DNAJC5: variants seen among roughly 807,000 people sequenced by gnomAD.
The protein encoded by DNAJC5 is dnaJ homolog subfamily C member 5.
A neutral mutation model predicts 23.2 loss-of-function variants in DNAJC5; 1 was observed. The ratio of observed to expected loss-of-function variants is 0.04; its 90% CI spans 0.02 to 0.20. The LOEUF (loss-of-function observed/expected upper bound fraction) is 0.20, where lower values mean the gene tolerates loss of function less well. Among genes scored for constraint, DNAJC5 ranks in the 10% least tolerant of loss-of-function variants. The pLI, the probability that DNAJC5 is intolerant of heterozygous loss-of-function variation, is 1.00. For synonymous variants in DNAJC5, 136 were observed against 120.0 expected, an observed-to-expected ratio of 1.13 and a Z score of -0.87; for missense variants, 180 against 267.0, an observed-to-expected ratio of 0.67 and a Z score of 2.27.
In DNAJC5 at chr20:63,928,494, A is replaced by AAGATGTGGATTTAC. The variant is rs2053634331; in HGVS notation, c.107+42_107+43insAGATGTGGATTTAC. Reference sequence around the variant, plus strand: ...GGCCCCCACATCCCCCCAGGAAGACACACATGCCCCGTGTGGTTTAGTCTG... The same window carrying AAGATGTGGATTTAC: ...GGCCCCCACATCCCCCCAGGAAGACAAGATGTGGATTTACCACATGCCCCGTGTGGTTTAGTCTG... On this transcript the variant is annotated intron_variant, in intron 2 of 4. Coordinates refer to ENST00000360864, the MANE Select transcript of DNAJC5 (RefSeq NM_025219.3). The surrounding 1 kb of genome is among the most constrained non-coding windows in gnomAD (Gnocchi z 4.6). 1 of 1,519,556 alleles carries AAGATGTGGATTTAC rather than the reference A, an allele frequency of 6.6e-7. No individual in the cohort carries two copies. The highest frequency in any genetic ancestry group is 9.1e-7 in the Non-Finnish European group (1 of 1,094,446). 94.1% of individuals were successfully genotyped at this position (1,519,556 alleles called of 1,614,324 possible). A position where few individuals can be genotyped will look rare whatever the true frequency, so the allele number is the denominator to read the frequency against.
intron 1 of DNAJC5, among the ~76,000 whole-genome samples, chr20:63,927,789 G>A (rs1257381312): frequency 6.6e-6 from 1 of 152,154 alleles, no homozygotes; most frequent in East Asian, 1.9e-4. Flanking sequence ...GATATGTTTG[G>A]ATTTAGATCT....
intron 1 of DNAJC5, among the ~76,000 whole-genome samples, chr20:63,905,466 G>A (rs1263465878): frequency 6.6e-6 from 1 of 151,946 alleles, no homozygotes; most frequent in Admixed American, 6.6e-5. Context: ...GCCCAGGCTG[G>A]TTTACAGTGG....
In DNAJC5 at chr20:63,897,209, A is replaced by G. The variant is rs140010409; in HGVS notation, c.-12+1886A>G. ...CAGGAGTTCGAGACTAGCCTGGCCA[A>G]CATGGTGAAACCCCATCTCTACTAA... On this transcript the variant is annotated intron_variant, in intron 1 of 4. Transcript: ENST00000360864. Among the ~76,000 whole-genome samples the G allele has an allele frequency of 6.8e-4, 103 of 152,276 alleles. 1 individual carries two copies. The East Asian group carries it at 0.017, about 26-fold the overall frequency.
intron 1 of DNAJC5, among the ~76,000 whole-genome samples, chr20:63,924,089 A>G (rs2053592197): frequency 6.6e-6 from 1 of 152,144 alleles, no homozygotes; most frequent in Non-Finnish European, 1.5e-5. Context: ...GTAGATATAT[A>G]GTATATGTCT....
chr20:63,925,539 C>T (rs1374532309), intron 1 of DNAJC5, among the ~76,000 whole-genome samples: 1 of 151,642 alleles, frequency 6.6e-6, no homozygotes, highest in Non-Finnish European at 1.5e-5. Flanking sequence ...GGATGGGGAT[C>T]AATCAGAGGA....
intron 1 of DNAJC5, among the ~76,000 whole-genome samples, chr20:63,923,111 A>G (rs746246842): frequency 6.6e-6 from 1 of 152,122 alleles, no homozygotes; most frequent in South Asian, 2.1e-4. Flanking sequence ...ACTGCACTCC[A>G]GCCTGGGCAA....
chr20:63,903,015 C>G (rs932599884), intron 1 of DNAJC5, among the ~76,000 whole-genome samples: 2 of 150,828 alleles, frequency 1.3e-5, no homozygotes, highest in African/African-American at 4.9e-5. Context: ...CACTCTGTCT[C>G]TCACCCAAGT....
chr20:63,923,615 C>T (rs2053588850), intron 1 of DNAJC5, among the ~76,000 whole-genome samples: 1 of 151,966 alleles, frequency 6.6e-6, no homozygotes, highest in African/African-American at 2.4e-5. Flanking sequence ...GTCCCAGCTA[C>T]TCAGGAGGCT....
chr20:63,915,563 C>G (rs1251972535), intron 1 of DNAJC5, among the ~76,000 whole-genome samples: 1 of 152,150 alleles, frequency 6.6e-6, no homozygotes, highest in African/African-American at 2.4e-5. Flanking sequence ...GCACCACAGA[C>G]AGAACGGCCT....
intron 1 of DNAJC5, among the ~76,000 whole-genome samples, chr20:63,905,933 C>T (rs1244323261): frequency 6.6e-6 from 1 of 151,892 alleles, no homozygotes; most frequent in Non-Finnish European, 1.5e-5. Context: ...CGGGGTTTCA[C>T]CATGTTGGCC....
At chr20:63,914,837 A>G (rs1209528171) in intron 1 of DNAJC5, among the ~76,000 whole-genome samples, 1 of 151,886 alleles carries the variant, frequency 6.6e-6, no homozygotes, top group Non-Finnish European at 1.5e-5. Flanking sequence ...GCTGGTCTCA[A>G]ACTCCTGACC....
chr20:63,901,530 G>A (rs1410267776), intron 1 of DNAJC5, among the ~76,000 whole-genome samples: 2 of 152,240 alleles, frequency 1.3e-5, no homozygotes, highest in Non-Finnish European at 2.9e-5. Context: ...AGGTGCCAGA[G>A]GCTGCGTCCG....
Position 63,935,678 on chromosome 20 carries a change from C to A in DNAJC5, c.*4110C>A, listed in dbSNP as rs1276762018. The A allele has an allele frequency of 3.9e-5, 6 of 152,274 alleles. No homozygotes were observed. In the South Asian group the frequency reaches 1.2e-3, roughly 31 times the overall value. 9.4% of individuals were successfully genotyped at this position (152,274 alleles called of 1,614,324 possible). On this transcript the variant is annotated 3_prime_UTR_variant, in exon 5 of 5. Transcript: ENST00000360864. ...CACACAGCACCACCTCCAGAAGGGG[C>A]TGGGCCCGGGGTCCTGCAGGCGGCA...
intron 1 of DNAJC5, among the ~76,000 whole-genome samples, chr20:63,925,441 C>G (rs181712035): frequency 6.6e-6 from 1 of 152,276 alleles, no homozygotes; most frequent in Non-Finnish European, 1.5e-5. Flanking sequence ...TGAGGTCACA[C>G]CACTGCACTC....
chr20:63,925,825 G>GTTT (rs376376541), intron 1 of DNAJC5, among the ~76,000 whole-genome samples: 16 of 123,970 alleles, frequency 1.3e-4, no homozygotes, highest in South Asian at 2.4e-4. Context: ...ATTTTATCTG[G>GTTT]TTTTTTTTTT....
In DNAJC5 at chr20:63,928,505, G is replaced by A. The variant is rs747912965; in HGVS notation, c.107+53G>A. The A allele has an allele frequency of 6.0e-5, 87 of 1,453,494 alleles. No individual in the cohort carries two copies. The highest frequency in any genetic ancestry group is 2.9e-4 in the Admixed American group (17 of 59,054). 90.0% of individuals were successfully genotyped at this position (1,453,494 alleles called of 1,614,324 possible). A position where few individuals can be genotyped will look rare whatever the true frequency, so the allele number is the denominator to read the frequency against. ...CCCCCCAGGAAGACACACATGCCCC[G>A]TGTGGTTTAGTCTGCATTTTACCAA... On this transcript the variant is annotated intron_variant, in intron 2 of 4. Coordinates refer to ENST00000360864, the MANE Select transcript of DNAJC5 (RefSeq NM_025219.3). This position sits in a 1 kb window ranked among gnomAD's most constrained non-coding sequence, Gnocchi z 4.6.
intron 1 of DNAJC5, among the ~76,000 whole-genome samples, chr20:63,910,998 C>T (rs1457815934): frequency 6.6e-6 from 1 of 152,160 alleles, no homozygotes; most frequent in Non-Finnish European, 1.5e-5. Flanking sequence ...AAATGTATAT[C>T]TGGAGTTATT....
chr20:63,902,898 C>CG (rs1253739700), intron 1 of DNAJC5, among the ~76,000 whole-genome samples: 1 of 148,372 alleles, frequency 6.7e-6, no homozygotes, highest in Non-Finnish European at 1.5e-5. Context: ...AGGATGGTCT[C>CG]GATCTCCTGA....
chr20:63,921,034 G>A (rs929780944), intron 1 of DNAJC5, among the ~76,000 whole-genome samples: 2 of 151,822 alleles, frequency 1.3e-5, no homozygotes, highest in South Asian at 2.1e-4. Flanking sequence ...GTCTCAGCTC[G>A]CTGCAAACTC....
Sources: allele counts gnomAD v4.1 joint callset (sites outside exome capture counted in the v4.1 genomes callset), GRCh38; gene constraint gnomAD v4.1.1; non-coding constraint Gnocchi (gnomAD v3.1); transcripts MANE v1.5; gene names NCBI Gene and HGNC (gene_info 2026-07-23, HGNC 2026-07-21).